The following COP1 variants were observed in gnomAD, a reference collection of about 807,000 sequenced individuals.
COP1 encodes E3 ubiquitin-protein ligase COP1.
In COP1, 24 loss-of-function variants were observed where a neutral mutation model predicts 101.3. The ratio of observed to expected loss-of-function variants is 0.24; its 90% CI spans 0.17 to 0.33. The LOEUF (loss-of-function observed/expected upper bound fraction) is 0.33. Ranked by LOEUF, COP1 falls within the 10% of genes least tolerant of loss-of-function variation. COP1 has a pLI of 1.00. For missense variants in COP1, 663 were observed against 906.2 expected (o/e 0.73, Z 3.45); for synonymous variants, 347 against 341.9 (o/e 1.01, Z -0.17).
chr1:176,140,425 T>A (rs940366074), intron 6 of COP1, among the ~76,000 whole-genome samples: 1 of 152,136 alleles, frequency 6.6e-6, no homozygotes. Flanking sequence ...AGAAAAAAGT[T>A]TGGAAGACTG....
intron 13 of COP1, 44 bp downstream of exon 13, chr1:176,043,666 C>A: frequency 1.7e-6 from 2 of 1,151,718 alleles, no homozygotes; most frequent in South Asian, 1.3e-5. Context: ...TTTAACAAAC[C>A]AAATGTATGA....
chr1:176,191,420 C>T (rs941979465), intron 1 of COP1, among the ~76,000 whole-genome samples: 1 of 151,946 alleles, frequency 6.6e-6, no homozygotes, highest in African/African-American at 2.4e-5. Context: ...AGCAAAAGGG[C>T]CATGGAAATG....
chr1:176,086,957 C>T (rs1030608545), intron 9 of COP1, among the ~76,000 whole-genome samples: 39 of 152,160 alleles, frequency 2.6e-4, no homozygotes, highest in African/African-American at 8.9e-4. Flanking sequence ...TAACACCACA[C>T]AGCTACAACC....
intron 9 of COP1, among the ~76,000 whole-genome samples, chr1:176,102,122 G>A (rs974154717): frequency 1.3e-5 from 2 of 152,010 alleles, no homozygotes; most frequent in African/African-American, 2.4e-5. Context: ...GATGGGGTGG[G>A]GCCTCAGGAA....
At chr1:176,149,523 T>A (rs990944198) in intron 5 of COP1, among the ~76,000 whole-genome samples, 1 of 152,148 alleles carries the variant, frequency 6.6e-6, no homozygotes, top group African/African-American at 2.4e-5. Context: ...CAAGTCAAAT[T>A]TACTATTTCT....
At chr1:176,185,039 A>T (rs1458747480) in intron 1 of COP1, among the ~76,000 whole-genome samples, 2 of 152,148 alleles carry the variant, frequency 1.3e-5, no homozygotes, top group African/African-American at 4.8e-5. Flanking sequence ...TTTCCATCAC[A>T]TGTACTCAAA....
chr1:176,104,991 T>G, intron 9 of COP1, among the ~76,000 whole-genome samples: 1 of 152,166 alleles, frequency 6.6e-6, no homozygotes, highest in East Asian at 1.9e-4. Context: ...TGAACTTCCA[T>G]AGAGTTACCT....
chr1:176,183,187 C>T (rs971063011), intron 2 of COP1, among the ~76,000 whole-genome samples: 7 of 152,142 alleles, frequency 4.6e-5, no homozygotes, highest in African/African-American at 9.7e-5. Flanking sequence ...CCAGATGAAA[C>T]GAAAGATCTT....
At chr1:176,040,465 C>T (rs1278946013) in intron 14 of COP1, among the ~76,000 whole-genome samples, 1 of 152,020 alleles carries the variant, frequency 6.6e-6, no homozygotes, top group Admixed American at 6.6e-5. Context: ...TACCTGTGCG[C>T]ACCACCACGC....
At chr1:176,079,538 GCTCA>G (rs988479226) in intron 11 of COP1, among the ~76,000 whole-genome samples, 40 of 151,840 alleles carry the variant, frequency 2.6e-4, no homozygotes, top group African/African-American at 9.2e-4. Context: ...GTGTACCTAT[GCTCA>G]CTGTCTGGGT....
intron 18 of COP1, among the ~76,000 whole-genome samples, chr1:175,966,194 A>C (rs752943112): frequency 1.3e-5 from 2 of 152,156 alleles, no homozygotes; most frequent in Non-Finnish European, 2.9e-5. Flanking sequence ...CTTGGTCTTT[A>C]AACTAAAATG....
At chr1:176,033,706 CAT>C (rs1410330782) in intron 14 of COP1, among the ~76,000 whole-genome samples, 1 of 151,784 alleles carries the variant, frequency 6.6e-6, no homozygotes, top group Non-Finnish European at 1.5e-5. Flanking sequence ...TAATTACGTG[CAT>C]ATATACTTGG....
At chr1:176,090,192 G>C (rs992686923) in intron 9 of COP1, among the ~76,000 whole-genome samples, 20 of 152,246 alleles carry the variant, frequency 1.3e-4, no homozygotes, top group Admixed American at 5.9e-4. Context: ...TGACCTGTAA[G>C]CCAATCCCTG....
chr1:176,198,006 A>T (rs938947323), intron 1 of COP1, among the ~76,000 whole-genome samples: 26 of 152,188 alleles, frequency 1.7e-4, no homozygotes, highest in African/African-American at 4.8e-4. Context: ...ATTACAGAGG[A>T]CCTAAATAAT....
chr1:176,175,641 GC>G (rs967827659), intron 3 of COP1, among the ~76,000 whole-genome samples: 93 of 152,056 alleles, frequency 6.1e-4, no homozygotes, highest in Middle Eastern at 3.2e-3. Flanking sequence ...TTCCTAATAG[GC>G]CACAGACTGG....
At chr1:176,158,630 C>CTTTTTTTTTTT (rs35518162) in intron 5 of COP1, among the ~76,000 whole-genome samples, 9 of 79,306 alleles carry the variant, frequency 1.1e-4, no homozygotes, top group Admixed American at 2.1e-4. Flanking sequence ...TTTTAAGGTT[C>CTTTTTTTTTTT]TTTTTTTTTT....
At chr1:175,997,671 G>A (rs547884622) in intron 15 of COP1, among the ~76,000 whole-genome samples, 7 of 152,320 alleles carry the variant, frequency 4.6e-5, no homozygotes, top group African/African-American at 1.4e-4. Flanking sequence ...CTGGCTATCA[G>A]AGAAATGTAA....
At chr1:176,193,697 G>A (rs1201810748) in intron 1 of COP1, among the ~76,000 whole-genome samples, 1 of 151,992 alleles carries the variant, frequency 6.6e-6, no homozygotes, top group Non-Finnish European at 1.5e-5. Flanking sequence ...GAAAGACATG[G>A]GATACAAAAG....
At chr1:176,005,013 C>G (rs140972145) in intron 15 of COP1, among the ~76,000 whole-genome samples, 1 of 151,664 alleles carries the variant, frequency 6.6e-6, no homozygotes, top group South Asian at 2.1e-4. Context: ...GCTATTGATT[C>G]TTGCCACAAT....
Sources: allele counts gnomAD v4.1 joint callset (sites outside exome capture counted in the v4.1 genomes callset), GRCh38; gene constraint gnomAD v4.1.1; transcripts MANE v1.5; gene names NCBI Gene and HGNC (gene_info 2026-07-23, HGNC 2026-07-21).